Variants in NCOR2 observed in about 807,000 individuals in gnomAD.
NCOR2 encodes the protein CTG repeat protein 26.
In NCOR2, 81 loss-of-function variants were observed where a neutral mutation model predicts 262.9. The observed-to-expected ratio is 0.31, with a 90% confidence interval of 0.26 to 0.37. The LOEUF is 0.37. Ranked by LOEUF, NCOR2 falls within the 10% of genes least tolerant of loss-of-function variation. The pLI is 1.00. For synonymous variants in NCOR2, 1,659 were observed against 1,559.3 expected, an observed-to-expected ratio of 1.06 and a Z score of -1.51; for missense variants, 3,385 against 3,621.4, an observed-to-expected ratio of 0.93 and a Z score of 1.68.
Position 124,457,291 on chromosome 12 carries a change from A to AG in NCOR2, c.706-130dup, listed in dbSNP as rs2045928660. The AG allele has an allele frequency of 9.4e-7, 1 of 1,062,260 alleles. No homozygotes were observed. The highest frequency in any genetic ancestry group is 2.6e-4 in the Middle Eastern group (1 of 3,820). 65.8% of individuals were successfully genotyped at this position (1,062,260 alleles called of 1,614,324 possible). On this transcript the variant is annotated intron_variant, in intron 5 of 46. Coordinates refer to ENST00000405201, the Ensembl canonical transcript of NCOR2. The surrounding 1 kb of genome is among the most constrained non-coding windows in gnomAD (Gnocchi z 4.0). ...AGCATGCTGATCCTCAGCACGGGGGAGGGAGGCCCGGGGCCCCCTGCAGGC... is the reference window on the plus strand; with the variant it reads ...AGCATGCTGATCCTCAGCACGGGGGAGGGGAGGCCCGGGGCCCCCTGCAGGC...
At chr12:124,487,884 A>T (rs1007922804) in intron 1 of NCOR2, among the ~76,000 whole-genome samples, 1 of 152,132 alleles carries the variant, frequency 6.6e-6, no homozygotes, top group South Asian at 2.1e-4. Context: ...AAAAAAAAAA[A>T]AAAAAAAAAG....
intron 1 of NCOR2, among the ~76,000 whole-genome samples, chr12:124,534,516 C>A (rs925674515): frequency 3.9e-5 from 6 of 152,054 alleles, no homozygotes; most frequent in Non-Finnish European, 8.8e-5. Context: ...TGCGGTCCAT[C>A]GTTGACCAGA....
chr12:124,421,420 CCT>C (rs1267371910), intron 12 of NCOR2, among the ~76,000 whole-genome samples: 1 of 152,234 alleles, frequency 6.6e-6, no homozygotes, highest in African/African-American at 2.4e-5. Flanking sequence ...CCGTCCACTC[CCT>C]GAGGGAGACG....
intron 1 of NCOR2, among the ~76,000 whole-genome samples, chr12:124,506,267 G>C (rs999964940): frequency 1.3e-5 from 2 of 152,188 alleles, no homozygotes; most frequent in Non-Finnish European, 2.9e-5. Flanking sequence ...GTCAGGATAC[G>C]GGTGCCCAAA....
exon 21 of NCOR2, chr12:124,363,681 T>C (rs1455633915): frequency 2.4e-6 from 3 of 1,275,090 alleles, no homozygotes; most frequent in Non-Finnish European, 3.0e-6. Flanking sequence ...GCACTCACGA[T>C]GGGGGGGATG....
At chr12:124,399,024 G>A (rs764087164) in intron 15 of NCOR2, among the ~76,000 whole-genome samples, 76 of 152,152 alleles carry the variant, frequency 5.0e-4, no homozygotes, top group Non-Finnish European at 8.4e-4. Flanking sequence ...GGGTGGGTGC[G>A]AGGGACGTCA....
At chr12:124,335,782 G>T in intron 38 of NCOR2, 150 bp from the exon 41 acceptor site, 1 of 833,324 alleles carries the variant, frequency 1.2e-6, no homozygotes, top group Non-Finnish European at 1.8e-6. Flanking sequence ...AGACAGTAAG[G>T]CAGAGAGGGG....
chr12:124,350,124 TA>T (rs1355301892), intron 28 of NCOR2, among the ~76,000 whole-genome samples: 21 of 152,116 alleles, frequency 1.4e-4, no homozygotes, highest in Admixed American at 1.3e-3. Flanking sequence ...TCGATTCCCT[TA>T]ACTCCTTCCT....
At chr12:124,535,354 C>A (rs1055325108) in intron 1 of NCOR2, among the ~76,000 whole-genome samples, 9 of 152,384 alleles carry the variant, frequency 5.9e-5, no homozygotes, top group Admixed American at 2.6e-4. Context: ...AGCCAGGAAA[C>A]GGCCCATCAC....
chr12:124,448,563 A>G (rs2136489415), intron 7 of NCOR2, among the ~76,000 whole-genome samples: 1 of 152,234 alleles, frequency 6.6e-6, no homozygotes, highest in Admixed American at 6.5e-5. Flanking sequence ...CTGGTGAAGT[A>G]TCTTTGTCAG....
rs978659898 is a variant in NCOR2 at position 124,504,060 on chromosome 12, G to A, written c.-117-8692C>T. 6.6e-6 allele frequency among the ~76,000 whole-genome samples: 1 copy of A among 152,180 alleles called. No individual in the cohort carries two copies. Among genetic ancestry groups the A allele is most frequent in the African/African-American group, 2.4e-5 (1 of 41,432 alleles). ...GCCTCCAGTCCCAAACCCAGACTCA[G>A]CGTGGGAGGGTCTCAACTCTCCCGA... On this transcript the variant is annotated intron_variant, in intron 1 of 46. Coordinates refer to the NCOR2 transcript ENST00000404621. The surrounding 1 kb of genome is among the most constrained non-coding windows in gnomAD (Gnocchi z 4.5).
At chr12:124,399,361 G>T (rs2041871668) in intron 15 of NCOR2, among the ~76,000 whole-genome samples, 1 of 152,154 alleles carries the variant, frequency 6.6e-6, no homozygotes, top group African/African-American at 2.4e-5. Context: ...TTTCCACCCT[G>T]CGGCTGAGCC....
intron 17 of NCOR2, among the ~76,000 whole-genome samples, chr12:124,379,956 C>T (rs996416469): frequency 5.3e-5 from 8 of 152,240 alleles, no homozygotes; most frequent in African/African-American, 1.9e-4. Flanking sequence ...CCCCTGCAGC[C>T]TTGAATGTGA....
At chr12:124,417,444 G>A (rs2042972135) in intron 13 of NCOR2, among the ~76,000 whole-genome samples, 1 of 152,172 alleles carries the variant, frequency 6.6e-6, no homozygotes, top group African/African-American at 2.4e-5. Context: ...TCACACAGGG[G>A]GAGGGGATGG....
intron 1 of NCOR2, among the ~76,000 whole-genome samples, chr12:124,507,136 G>T (rs1333154929): frequency 2.0e-5 from 3 of 152,178 alleles, no homozygotes; most frequent in Non-Finnish European, 4.4e-5. Context: ...CGTAGGAGGT[G>T]GCCAGAGTCA....
At chr12:124,479,013 T>TAAGGGATGGAGACCCTCC (rs1280233679) in intron 3 of NCOR2, among the ~76,000 whole-genome samples, 94 of 152,240 alleles carry the variant, frequency 6.2e-4, no homozygotes, top group Middle Eastern at 3.4e-3. Context: ...GGAGACCCTC[T>TAAGGGATGGAGACCCTCC]AGAACCCACA....
At chr12:124,345,483 A>G in intron 31 of NCOR2, among the ~76,000 whole-genome samples, 1 of 152,100 alleles carries the variant, frequency 6.6e-6, no homozygotes, top group East Asian at 1.9e-4. Context: ...CCAGACTGGG[A>G]CCTTCGTAGC....
chr12:124,426,965 A>G (rs190288156), intron 10 of NCOR2, among the ~76,000 whole-genome samples, 165 bp from the exon 13 acceptor site: 38 of 152,344 alleles, frequency 2.5e-4, no homozygotes, highest in African/African-American at 7.9e-4. Context: ...ATAATAGCTC[A>G]TGCTGGGGGA....
At chr12:124,452,954 C>T (rs1260380762) in intron 6 of NCOR2, among the ~76,000 whole-genome samples, 1 of 152,160 alleles carries the variant, frequency 6.6e-6, no homozygotes, top group Non-Finnish European at 1.5e-5. Flanking sequence ...AGCCACTCCC[C>T]GAGGCCCCTG....
Sources: gnomAD v4.1 joint callset for allele counts (sites outside exome capture counted in the v4.1 genomes callset) on GRCh38, gnomAD v4.1.1 for gene constraint, Gnocchi (gnomAD v3.1) non-coding constraint, MANE v1.5 for transcripts, NCBI Gene and HGNC (gene_info 2026-07-23, HGNC 2026-07-21) for gene names.